The following PDSS2 variants were observed in gnomAD, a reference collection of about 807,000 sequenced individuals.
PDSS2 encodes all trans-polyprenyl-diphosphate synthase PDSS2.
In PDSS2, 31 loss-of-function variants were observed where a neutral mutation model predicts 44.5. The ratio of observed to expected loss-of-function variants is 0.70; its 90% CI spans 0.52 to 0.94. The LOEUF is 0.94. Among genes scored for constraint, PDSS2 ranks in the 40% least tolerant of loss-of-function variants. The pLI, the probability that PDSS2 is intolerant of heterozygous loss-of-function variation, is 0.00. For synonymous variants in PDSS2, 157 were observed against 180.3 expected, an observed-to-expected ratio of 0.87 and a Z score of 1.03; for missense variants, 452 against 482.2, an observed-to-expected ratio of 0.94 and a Z score of 0.59.
intron 3 of PDSS2, among the ~76,000 whole-genome samples, chr6:107,258,482 A>G (rs1201254452): frequency 1.3e-5 from 2 of 151,702 alleles, no homozygotes; most frequent in African/African-American, 2.4e-5. Context: ...AAAAAAAAAA[A>G]GTTGCTTTTG....
At position 107,274,066 on chromosome 6, in the gene PDSS2, TTTG is replaced by T. The variant is rs771912155; in HGVS notation, c.590_592del (p.Ala197_Asn198delinsAsp). The T allele has an allele frequency of 6.2e-7, 1 of 1,614,126 alleles. No individual in the cohort carries two copies. The highest frequency in any genetic ancestry group is 8.5e-7 in the Non-Finnish European group (1 of 1,179,992). ...TAGCAGAGCTAGTCCATTGCAGGCA[TTTG>T]CTAGAAGAAAGTCTCCACTCAGGAT... On this transcript the variant is annotated inframe_deletion, in exon 3 of 8. Transcript: ENST00000369037.
chr6:107,171,029 A>C (rs1554248469), intron 7 of PDSS2, among the ~76,000 whole-genome samples: 2 of 152,244 alleles, frequency 1.3e-5, no homozygotes, highest in African/African-American at 4.8e-5. Flanking sequence ...TGCTGGAAAT[A>C]CAGAGAGGAA....
In PDSS2 at chr6:107,154,273, A is replaced by T; in HGVS notation, c.*346T>A. The T allele has an allele frequency of 3.1e-6, 1 of 326,650 alleles. No homozygotes were observed. 20.2% of individuals were successfully genotyped at this position (326,650 alleles called of 1,614,324 possible). A position where few individuals can be genotyped will look rare whatever the true frequency, so the allele number is the denominator to read the frequency against. On this transcript the variant is annotated 3_prime_UTR_variant, in exon 8 of 8. Transcript: ENST00000369037. ...TTGCTTTGTCCTCTCTAGCAGGAAA[A>T]ACCACAGGCCACCGCCCTGGCGCCA...
chr6:107,157,318 G>A (rs1770938381), intron 7 of PDSS2, among the ~76,000 whole-genome samples: 1 of 152,012 alleles, frequency 6.6e-6, no homozygotes, highest in Non-Finnish European at 1.5e-5. Context: ...CCGGGTAGCT[G>A]GGAAGACAGG....
At chr6:107,283,675 G>A (rs919641545) in intron 2 of PDSS2, among the ~76,000 whole-genome samples, 3 of 151,984 alleles carry the variant, frequency 2.0e-5, no homozygotes, top group Non-Finnish European at 2.9e-5. Flanking sequence ...AGCTGAGATC[G>A]CGCCATGGCA....
At chr6:107,378,263 T>C (rs1344835897) in intron 1 of PDSS2, among the ~76,000 whole-genome samples, 2 of 150,206 alleles carry the variant, frequency 1.3e-5, no homozygotes, top group Non-Finnish European at 3.0e-5. Flanking sequence ...ACTAGATCTT[T>C]CAGCAGGTAT....
chr6:107,372,611 T>C (rs1474996048), intron 1 of PDSS2, among the ~76,000 whole-genome samples: 1 of 151,502 alleles, frequency 6.6e-6, no homozygotes, highest in East Asian at 2.0e-4. Flanking sequence ...GCCACCACGC[T>C]CGGCTAATTG....
intron 4 of PDSS2, among the ~76,000 whole-genome samples, chr6:107,225,151 ATATATATATATTTTTTTTTTTT>A (rs1773758073): frequency 5.8e-5 from 3 of 51,446 alleles, no homozygotes; most frequent in African/African-American, 4.4e-4. Context: ...ATATATATAT[ATATATATATATTTTTTTTTTTT>A]TTTTTTTTTT....
chr6:107,438,942 A>G (rs1781435552), intron 1 of PDSS2, among the ~76,000 whole-genome samples: 1 of 152,128 alleles, frequency 6.6e-6, no homozygotes, highest in East Asian at 1.9e-4. Context: ...GCCCACAATG[A>G]CTCCCTGGTT....
chr6:107,328,545 G>C (rs538424886), intron 2 of PDSS2, among the ~76,000 whole-genome samples: 1 of 152,090 alleles, frequency 6.6e-6, no homozygotes, highest in Admixed American at 6.5e-5. Flanking sequence ...CAAAGTGCTG[G>C]GTTTACAGGT....
chr6:107,398,324 C>T lies in PDSS2; in HGVS notation c.296+60666G>A, dbSNP rs73513176. On this transcript the variant is annotated intron_variant, in intron 1 of 7. Transcript: ENST00000369037. Reference sequence around the variant, plus strand: ...TTACAAAATACAAAACAATCCTACTCCTTAGTAATATCTTTTTGTTTTTAA... The same window carrying T: ...TTACAAAATACAAAACAATCCTACTTCTTAGTAATATCTTTTTGTTTTTAA... 3.9e-3 allele frequency among the ~76,000 whole-genome samples: 600 copies of T among 152,246 alleles called. 4 individuals are homozygous for T. Among genetic ancestry groups the T allele is most frequent in the African/African-American group, 0.014 (591 of 41,548 alleles).
chr6:107,407,087 A>AT (rs905521331), intron 1 of PDSS2, among the ~76,000 whole-genome samples: 7 of 152,162 alleles, frequency 4.6e-5, no homozygotes, highest in African/African-American at 1.7e-4. Context: ...AAAATGTGGT[A>AT]TATCCATAAG....
chr6:107,174,688 AAG>A (rs1771724504), intron 7 of PDSS2, among the ~76,000 whole-genome samples: 1 of 152,222 alleles, frequency 6.6e-6, no homozygotes. Context: ...AATTATTTGC[AAG>A]AGTCTATAGG....
chr6:107,333,283 T>C (rs1039571040), intron 2 of PDSS2, among the ~76,000 whole-genome samples: 3 of 152,218 alleles, frequency 2.0e-5, no homozygotes, highest in Non-Finnish European at 2.9e-5. Context: ...GTGCCAAGCA[T>C]ATTGCTAGAA....
At chr6:107,320,305 A>ACC (rs201366921) in intron 2 of PDSS2, among the ~76,000 whole-genome samples, 7,201 of 152,292 alleles carry the variant, frequency 0.047, 268 homozygotes, top group Middle Eastern at 0.11. Context: ...AGTAATTATA[A>ACC]TAGAGTAATA....
intron 2 of PDSS2, among the ~76,000 whole-genome samples, chr6:107,284,214 A>G (rs1776064484): frequency 2.0e-5 from 3 of 152,138 alleles, no homozygotes; most frequent in Admixed American, 6.6e-5. Context: ...AATAATATTT[A>G]CATAATCTTC....
At chr6:107,320,255 C>CA (rs568890263) in intron 2 of PDSS2, among the ~76,000 whole-genome samples, 1 of 151,818 alleles carries the variant, frequency 6.6e-6, no homozygotes, top group East Asian at 1.9e-4. Context: ...CGTACAGCCT[C>CA]AAAAAAATCC....
At chr6:107,285,052 G>A (rs188594530) in intron 2 of PDSS2, among the ~76,000 whole-genome samples, 1 of 152,300 alleles carries the variant, frequency 6.6e-6, no homozygotes, top group Admixed American at 6.5e-5. Context: ...TTCAAGCCCA[G>A]GACTCTGGTT....
At chr6:107,364,754 G>C (rs1778911715) in intron 1 of PDSS2, among the ~76,000 whole-genome samples, 1 of 152,246 alleles carries the variant, frequency 6.6e-6, no homozygotes, top group African/African-American at 2.4e-5. Flanking sequence ...CCAGGCAGGG[G>C]AGGTGCCGAG....
Sources: allele counts gnomAD v4.1 joint callset (sites outside exome capture counted in the v4.1 genomes callset), GRCh38; gene constraint gnomAD v4.1.1; transcripts MANE v1.5; gene names NCBI Gene and HGNC (gene_info 2026-07-23, HGNC 2026-07-21).